DPF3: variants seen among roughly 807,000 people sequenced by gnomAD.
DPF3 encodes zinc finger protein DPF3.
In DPF3, 18 loss-of-function variants were observed where a neutral mutation model predicts 56.8. That is an observed-to-expected ratio of 0.32 (90% confidence interval 0.22 to 0.47). The LOEUF (loss-of-function observed/expected upper bound fraction) is 0.47. Ranked by LOEUF, DPF3 falls within the 20% of genes least tolerant of loss-of-function variation. The pLI, the probability that DPF3 is intolerant of heterozygous loss-of-function variation, is 1.00. For synonymous variants in DPF3, 188 were observed against 180.2 expected, an observed-to-expected ratio of 1.04 and a Z score of -0.35; for missense variants, 403 against 488.8, an observed-to-expected ratio of 0.82 and a Z score of 1.65.
At chr14:72,873,919 G>A (rs1886003908) in intron 1 of DPF3, among the ~76,000 whole-genome samples, 1 of 149,176 alleles carries the variant, frequency 6.7e-6, no homozygotes, top group Admixed American at 6.7e-5. Context: ...ACCGGGGCCT[G>A]TTGTGGGGTG....
intron 7 of DPF3, among the ~76,000 whole-genome samples, chr14:72,692,639 A>G (rs186492379): frequency 6.6e-6 from 1 of 152,322 alleles, no homozygotes; most frequent in Admixed American, 6.5e-5. Flanking sequence ...ACAAAACCAC[A>G]GCAATAGATA....
intron 3 of DPF3, among the ~76,000 whole-genome samples, chr14:72,733,192 C>T (rs568409924): frequency 1.2e-4 from 19 of 152,252 alleles, no homozygotes; most frequent in Admixed American, 1.1e-3. Flanking sequence ...GGACCTCATA[C>T]CCCCACACTG....
intron 9 of DPF3, among the ~76,000 whole-genome samples, chr14:72,624,944 A>G (rs1427394268): frequency 6.6e-6 from 1 of 152,216 alleles, no homozygotes; most frequent in Non-Finnish European, 1.5e-5. Context: ...TATTACTTGT[A>G]ATGTTATCTG....
intron 8 of DPF3, among the ~76,000 whole-genome samples, chr14:72,646,251 T>C (rs1303968770): frequency 6.6e-6 from 1 of 152,208 alleles, no homozygotes; most frequent in Non-Finnish European, 1.5e-5. Context: ...ATCCTCCAAG[T>C]CCAGTCCAAA....
chr14:72,728,702 C>T (rs1461819642), intron 4 of DPF3, among the ~76,000 whole-genome samples: 1 of 152,042 alleles, frequency 6.6e-6, no homozygotes, highest in Admixed American at 6.5e-5. Flanking sequence ...CTGGTAAGCA[C>T]CAAGCACTGT....
chr14:72,688,837 A>G (rs1887546899), intron 7 of DPF3, among the ~76,000 whole-genome samples: 2 of 152,214 alleles, frequency 1.3e-5, no homozygotes, highest in African/African-American at 4.8e-5. Context: ...GGTGGGATGC[A>G]GCCCACATGC....
chr14:72,707,689 T>TGC (rs1315018746), intron 6 of DPF3, among the ~76,000 whole-genome samples: 25 of 151,924 alleles, frequency 1.6e-4, no homozygotes, highest in Non-Finnish European at 2.9e-4. Flanking sequence ...TGTGTGTGTG[T>TGC]GTGTGTGTAT....
intron 5 of DPF3, among the ~76,000 whole-genome samples, chr14:72,715,195 C>T (rs1450893085): frequency 6.6e-6 from 1 of 152,214 alleles, no homozygotes; most frequent in Non-Finnish European, 1.5e-5. Context: ...CCTTGACCCC[C>T]ATGGTCTCCT....
chr14:72,750,461 C>T (rs1307384721), intron 3 of DPF3, among the ~76,000 whole-genome samples: 2 of 152,110 alleles, frequency 1.3e-5, no homozygotes, highest in Non-Finnish European at 2.9e-5. Flanking sequence ...ATGTCAAGCA[C>T]TTATAATAAA....
At chr14:72,799,614 T>C (rs1047491608) in intron 1 of DPF3, among the ~76,000 whole-genome samples, 4 of 151,670 alleles carry the variant, frequency 2.6e-5, no homozygotes, top group African/African-American at 7.3e-5. Context: ...CACTCCAACC[T>C]GGGCAACAGA....
intron 1 of DPF3, among the ~76,000 whole-genome samples, chr14:72,790,694 C>A (rs1365621787): frequency 6.6e-6 from 1 of 152,116 alleles, no homozygotes; most frequent in Non-Finnish European, 1.5e-5. Context: ...CTGTCAGTCC[C>A]CCTGAGTCCA....
chr14:72,674,529 G>A (rs946841992), intron 7 of DPF3, among the ~76,000 whole-genome samples, 161 bp from the exon 8 acceptor site: 3 of 152,140 alleles, frequency 2.0e-5, no homozygotes, highest in African/African-American at 7.2e-5. Context: ...GATCCTTCCG[G>A]GTTTAATGGT....
At position 72,761,585 on chromosome 14, in the gene DPF3, G is replaced by GA. The variant is rs528861647; in HGVS notation, c.194-8215dup. Among the ~76,000 whole-genome samples the GA allele has an allele frequency of 9.2e-5, 14 of 151,974 alleles. No homozygotes were observed. In the East Asian group the frequency reaches 2.5e-3, roughly 27 times the overall value. On this transcript the variant is annotated intron_variant, in intron 2 of 10. Transcript: ENST00000556509. ...TAGTATTTATGGGGAAATTATATCA[G>GA]AAAATGATGTAGTAGAAAAGAAATA...
At chr14:72,721,522 CTAGGCCAGTT>C (rs1157370106) in intron 5 of DPF3, among the ~76,000 whole-genome samples, 5 of 152,156 alleles carry the variant, frequency 3.3e-5, no homozygotes, top group African/African-American at 1.2e-4. Context: ...GTGAATGGGT[CTAGGCCAGTT>C]TATCAATGGC....
chr14:72,803,110 G>T (rs1195247817), intron 1 of DPF3, among the ~76,000 whole-genome samples: 2 of 152,180 alleles, frequency 1.3e-5, no homozygotes, highest in African/African-American at 4.8e-5. Flanking sequence ...GCCTTCCTAG[G>T]CAGCACAACT....
At chr14:72,707,700 G>A (rs1301227160) in intron 6 of DPF3, among the ~76,000 whole-genome samples, 1 of 146,698 alleles carries the variant, frequency 6.8e-6, no homozygotes, top group African/African-American at 2.5e-5. Flanking sequence ...GTGTGTGTAT[G>A]TGTGTATAGA....
At chr14:72,858,322 A>C (rs1885251112) in intron 1 of DPF3, among the ~76,000 whole-genome samples, 1 of 151,346 alleles carries the variant, frequency 6.6e-6, no homozygotes, top group African/African-American at 2.4e-5. Flanking sequence ...AAAAAAAAAA[A>C]AAACCCAGGT....
intron 3 of DPF3, among the ~76,000 whole-genome samples, chr14:72,738,706 TG>T (rs1444595326): frequency 6.6e-6 from 1 of 152,168 alleles, no homozygotes; most frequent in East Asian, 1.9e-4. Flanking sequence ...GGAGATCTGT[TG>T]TACAGCATGG....
chr14:72,669,970 C>A, intron 8 of DPF3: 3 of 985,996 alleles, frequency 3.0e-6, no homozygotes, highest in Non-Finnish European at 3.6e-6. Flanking sequence ...TAGGACCTCG[C>A]AGCCGGTCAT....
Sources: allele counts gnomAD v4.1 joint callset (sites outside exome capture counted in the v4.1 genomes callset), GRCh38; gene constraint gnomAD v4.1.1; transcripts MANE v1.5; gene names NCBI Gene and HGNC (gene_info 2026-07-23, HGNC 2026-07-21).